Variants in STK32B observed in about 807,000 individuals in gnomAD.
STK32B encodes the protein serine/threonine-protein kinase 32B.
STK32B carries 43 observed loss-of-function variants against 52.6 expected under a neutral mutation model. That is an observed-to-expected ratio of 0.82 (90% CI 0.64 to 1.05). The LOEUF (loss-of-function observed/expected upper bound fraction) is 1.05. STK32B is among the 50% of genes least tolerant of loss of function. The probability of loss-of-function intolerance (pLI) is 0.00; values close to 1 mark genes in which losing one functional copy is unlikely to be tolerated. For synonymous variants in STK32B, 238 were observed against 204.3 expected (o/e 1.17, Z -1.41); for missense variants, 621 against 534.6 (o/e 1.16, Z -1.59).
At chr4:5,483,070 C>A (rs1000175272) in intron 11 of STK32B, among the ~76,000 whole-genome samples, 3 of 152,060 alleles carry the variant, frequency 2.0e-5, no homozygotes, top group Admixed American at 6.6e-5. Context: ...TGTCTCTTCC[C>A]GGCTTTGGTA....
At chr4:5,090,564 T>C (rs1713020474) in intron 1 of STK32B, among the ~76,000 whole-genome samples, 1 of 151,858 alleles carries the variant, frequency 6.6e-6, no homozygotes, top group South Asian at 2.1e-4. Context: ...GGGGTTTCAC[T>C]GTGTTAGCCA....
intron 3 of STK32B, among the ~76,000 whole-genome samples, chr4:5,174,756 T>C (rs1436546315): frequency 1.4e-5 from 2 of 145,874 alleles, no homozygotes; most frequent in South Asian, 2.2e-4. Flanking sequence ...ATTTCAACTT[T>C]GGTGAATCTG....
chr4:5,295,792 T>G (rs767742625), intron 3 of STK32B, among the ~76,000 whole-genome samples: 1 of 152,204 alleles, frequency 6.6e-6, no homozygotes, highest in Non-Finnish European at 1.5e-5. Flanking sequence ...TGATCTTAGT[T>G]ATTTCTTGTC....
At chr4:5,168,527 A>G in intron 3 of STK32B, 77 bp downstream of exon 3, 1 of 1,467,786 alleles carries the variant, frequency 6.8e-7, no homozygotes, top group Non-Finnish European at 9.1e-7. Flanking sequence ...TGCTAGAGGG[A>G]CTCTTCCGCA....
intron 4 of STK32B, among the ~76,000 whole-genome samples, chr4:5,375,057 C>G (rs145579049): frequency 6.6e-6 from 1 of 152,120 alleles, no homozygotes; most frequent in Non-Finnish European, 1.5e-5. Context: ...CCAATGAACC[C>G]GAGTGAGGTC....
chr4:5,428,231 C>A (rs1055140114), intron 6 of STK32B, among the ~76,000 whole-genome samples: 2 of 151,972 alleles, frequency 1.3e-5, no homozygotes, highest in Admixed American at 1.3e-4. Flanking sequence ...CACAGTGAAA[C>A]CCCGTCTCTA....
chr4:5,304,186 T>C (rs1354490023), intron 3 of STK32B, among the ~76,000 whole-genome samples: 2 of 152,090 alleles, frequency 1.3e-5, no homozygotes, highest in Non-Finnish European at 2.9e-5. Flanking sequence ...CATATGAATT[T>C]TAGGATTGTT....
At chr4:5,250,382 G>A (rs1022873117) in intron 3 of STK32B, among the ~76,000 whole-genome samples, 7 of 142,656 alleles carry the variant, frequency 4.9e-5, no homozygotes, top group Non-Finnish European at 1.1e-4. Flanking sequence ...ATGTGATCTT[G>A]GGTCACTGCA....
intron 3 of STK32B, among the ~76,000 whole-genome samples, chr4:5,314,618 C>G (rs191250282): frequency 6.6e-6 from 1 of 152,074 alleles, no homozygotes; most frequent in Non-Finnish European, 1.5e-5. Context: ...TGCAGTGAGC[C>G]GAAATCACGC....
Position 5,459,292 on chromosome 4 carries a change from C to CA in STK32B, c.784-811_784-810insA, listed in dbSNP as rs1396920149. The stretch of plus-strand genomic sequence containing the variant: ...TGTGGACCCTGGTGTGCCCCCCCCC[C>CA]CCACCTTTCTAAGTATGTGCCAGGT... On this transcript the variant is annotated intron_variant, in intron 8 of 11. Transcript: ENST00000282908. 8.6e-3 allele frequency among the ~76,000 whole-genome samples: 1,273 copies of CA among 148,468 alleles called. 73 individuals carry two copies. Among genetic ancestry groups the CA allele is most frequent in the African/African-American group, 0.031 (1,200 of 39,062 alleles).
At chr4:5,308,698 G>A (rs73211132) in intron 3 of STK32B, among the ~76,000 whole-genome samples, 4,498 of 152,212 alleles carry the variant, frequency 0.03, 100 homozygotes, top group South Asian at 0.047. Flanking sequence ...AGTGCCTAAC[G>A]TGTAGTTGGT....
chr4:5,415,967 A>G (rs566372797), intron 5 of STK32B, among the ~76,000 whole-genome samples: 7 of 152,290 alleles, frequency 4.6e-5, no homozygotes, highest in Non-Finnish European at 1.0e-4. Context: ...TAAGTCCCAC[A>G]TGCCAAATGC....
intron 6 of STK32B, among the ~76,000 whole-genome samples, chr4:5,438,599 TG>T (rs1429277858): frequency 6.6e-6 from 1 of 152,166 alleles, no homozygotes; most frequent in Non-Finnish European, 1.5e-5. Flanking sequence ...TGACTTTTTT[TG>T]TTTTTGTTTT....
chr4:5,158,655 C>T (rs185034726), intron 2 of STK32B, among the ~76,000 whole-genome samples: 20 of 152,216 alleles, frequency 1.3e-4, no homozygotes, highest in East Asian at 1.2e-3. Context: ...TTCACAGTTC[C>T]GGAGGCTGAA....
At chr4:5,421,060 T>G (rs1712603403) in intron 6 of STK32B, among the ~76,000 whole-genome samples, 1 of 147,156 alleles carries the variant, frequency 6.8e-6, no homozygotes, top group African/African-American at 2.5e-5. Context: ...CCACCATGCC[T>G]GGCTAATTTT....
chr4:5,466,751 C>T lies in STK32B; in HGVS notation c.958C>T (p.Leu320=). The T allele has an allele frequency of 6.2e-7, 1 of 1,614,010 alleles. No individual in the cohort carries two copies. The highest frequency in any genetic ancestry group is 8.5e-7 in the Non-Finnish European group (1 of 1,179,968). The change falls in exon 10 of 12, where the codon CTA becomes TTA. Residue 320 remains leucine (L), a synonymous_variant. Transcript: ENST00000282908. ...CACATTTGAGCTTGAAGAGATGATT[C>T]TAGAATCCAAGCCACTTCACAAAAA... ...DPTFELEEMI[L]ESKPLHKKKK... is the part of the protein sequence containing the mutation.
At chr4:5,427,950 A>G (rs1713238366) in intron 6 of STK32B, among the ~76,000 whole-genome samples, 2 of 150,768 alleles carry the variant, frequency 1.3e-5, no homozygotes, top group Non-Finnish European at 2.9e-5. Context: ...CTTTGAATTT[A>G]ATTTATTCTT....
chr4:5,173,223 C>G (rs1719541142), intron 3 of STK32B, among the ~76,000 whole-genome samples: 1 of 151,710 alleles, frequency 6.6e-6, no homozygotes, highest in African/African-American at 2.4e-5. Flanking sequence ...GTCTTGCAGT[C>G]TATCAATTTT....
chr4:5,442,765 G>A (rs1389871343), intron 6 of STK32B, among the ~76,000 whole-genome samples: 1 of 152,100 alleles, frequency 6.6e-6, no homozygotes, highest in Non-Finnish European at 1.5e-5. Context: ...TCCATGTTTA[G>A]TTCTTCCTTC....
Sources: allele counts gnomAD v4.1 joint callset (sites outside exome capture counted in the v4.1 genomes callset), GRCh38; gene constraint gnomAD v4.1.1; transcripts MANE v1.5; gene names NCBI Gene and HGNC (gene_info 2026-07-23, HGNC 2026-07-21).